The following CAMTA1 variants were observed in gnomAD, a reference collection of about 807,000 sequenced individuals.
CAMTA1 encodes the protein calmodulin-binding transcription activator 1.
CAMTA1 carries 27 observed loss-of-function variants against 170.9 expected under a neutral mutation model. The ratio of observed to expected loss-of-function variants is 0.16; its 90% CI spans 0.12 to 0.22. The LOEUF (loss-of-function observed/expected upper bound fraction) is 0.22, where lower values mean the gene tolerates loss of function less well. CAMTA1 is among the 10% of genes least tolerant of loss of function. The probability of loss-of-function intolerance (pLI) is 1.00; values close to 1 mark genes in which losing one functional copy is unlikely to be tolerated. For missense variants in CAMTA1, 1,619 were observed against 2,217.2 expected, an observed-to-expected ratio of 0.73 and a Z score of 5.42; for synonymous variants, 833 against 891.5, an observed-to-expected ratio of 0.93 and a Z score of 1.17.
At chr1:7,194,980 G>C (rs1000504402) in intron 4 of CAMTA1, among the ~76,000 whole-genome samples, 2 of 152,200 alleles carry the variant, frequency 1.3e-5, no homozygotes, top group South Asian at 4.1e-4. Flanking sequence ...TAAACAGTAC[G>C]TGGAGCATCT....
chr1:7,702,006 G>C (rs999284402), intron 11 of CAMTA1, among the ~76,000 whole-genome samples: 1 of 152,152 alleles, frequency 6.6e-6, no homozygotes, highest in East Asian at 1.9e-4. Flanking sequence ...TCCCACCCTA[G>C]CTCTGCCTGA....
intron 16 of CAMTA1, among the ~76,000 whole-genome samples, chr1:7,743,487 C>G (rs951394246): frequency 6.6e-6 from 1 of 152,106 alleles, no homozygotes; most frequent in African/African-American, 2.4e-5. Flanking sequence ...CAGTCCGTCT[C>G]TGCCCAGCCT....
intron 6 of CAMTA1, among the ~76,000 whole-genome samples, chr1:7,575,860 C>G (rs1396514089): frequency 6.6e-6 from 1 of 152,170 alleles, no homozygotes; most frequent in Non-Finnish European, 1.5e-5. Flanking sequence ...CACTGCCAGG[C>G]AAGGCCATTC....
At chr1:7,263,276 C>G (rs1668439920) in intron 5 of CAMTA1, among the ~76,000 whole-genome samples, 1 of 152,162 alleles carries the variant, frequency 6.6e-6, no homozygotes, top group Admixed American at 6.5e-5. Context: ...AATAAAGAAT[C>G]TGTTTTTTAT....
At chr1:7,398,193 C>CTATATATA (rs3034829) in intron 5 of CAMTA1, among the ~76,000 whole-genome samples, 35 of 16,886 alleles carry the variant, frequency 2.1e-3, no homozygotes, top group Admixed American at 3.5e-3. Context: ...CTCTCTCTCT[C>CTATATATA]TATATATATA....
At chr1:7,627,703 C>G (rs1249753430) in intron 6 of CAMTA1, among the ~76,000 whole-genome samples, 1 of 152,210 alleles carries the variant, frequency 6.6e-6, no homozygotes, top group Non-Finnish European at 1.5e-5. Context: ...TCAGATAGAC[C>G]TGGGCTTAAT....
intron 5 of CAMTA1, among the ~76,000 whole-genome samples, chr1:7,252,784 G>A (rs1199790255): frequency 1.3e-5 from 2 of 152,176 alleles, no homozygotes; most frequent in East Asian, 3.9e-4. Flanking sequence ...CAGTTCAGGG[G>A]CATGATAAAG....
intron 3 of CAMTA1, among the ~76,000 whole-genome samples, chr1:7,088,181 A>C (rs535649241): frequency 6.6e-6 from 1 of 152,192 alleles, no homozygotes; most frequent in Admixed American, 6.5e-5. Context: ...GGGCCTGTGC[A>C]TCAGCTTCCT....
chr1:6,788,796 G>A (rs1640176798), intron 1 of CAMTA1, among the ~76,000 whole-genome samples: 1 of 152,146 alleles, frequency 6.6e-6, no homozygotes, highest in African/African-American at 2.4e-5. Flanking sequence ...AGACACTTGA[G>A]GTTATTGTCT....
intron 6 of CAMTA1, among the ~76,000 whole-genome samples, chr1:7,621,129 C>T (rs1300745116): frequency 6.6e-6 from 1 of 152,192 alleles, no homozygotes; most frequent in African/African-American, 2.4e-5. Context: ...GCATTGCACC[C>T]TGATTAGGGG....
rs546262913 is a variant in CAMTA1, at chr1:6,873,772, A to T, written c.234+48562A>T. Among the ~76,000 whole-genome samples, 11 of 152,320 alleles carry T rather than the reference A, an allele frequency of 7.2e-5. No individual in the cohort carries two copies. In the South Asian group the frequency reaches 2.1e-3, roughly 29 times the overall value. On this transcript the variant is annotated intron_variant, in intron 3 of 22. Coordinates refer to ENST00000303635, the MANE Select transcript of CAMTA1 (RefSeq NM_015215.4). ...TGGACACATTTATGGCTTATTTCCA[A>T]TGAGCCTTGTTTATTTGGTTAGCAT... is the stretch of plus-strand genomic sequence containing the variant.
intron 5 of CAMTA1, among the ~76,000 whole-genome samples, chr1:7,360,433 G>T (rs1260421620): frequency 6.6e-6 from 1 of 152,144 alleles, no homozygotes; most frequent in Non-Finnish European, 1.5e-5. Flanking sequence ...TGTGAATCAG[G>T]CTCAAATCTC....
At chr1:7,309,656 A>G (rs1021517811) in intron 5 of CAMTA1, among the ~76,000 whole-genome samples, 1 of 151,828 alleles carries the variant, frequency 6.6e-6, no homozygotes, top group Non-Finnish European at 1.5e-5. Context: ...GCCGCCTTTT[A>G]TGTTATTTGA....
intron 7 of CAMTA1, among the ~76,000 whole-genome samples, chr1:7,651,386 C>T (rs994281966): frequency 4.6e-5 from 7 of 152,220 alleles, no homozygotes; most frequent in Non-Finnish European, 1.0e-4. Flanking sequence ...GCAGGTGCCG[C>T]CTGTACAGTT....
chr1:7,021,442 A>AT (rs995801751), intron 3 of CAMTA1, among the ~76,000 whole-genome samples: 2 of 151,966 alleles, frequency 1.3e-5, no homozygotes, highest in African/African-American at 4.8e-5. Flanking sequence ...TCTTTTTCTG[A>AT]TTTTCCCTCT....
intron 5 of CAMTA1, among the ~76,000 whole-genome samples, chr1:7,315,847 C>G (rs532039994): frequency 6.6e-6 from 1 of 152,192 alleles, no homozygotes; most frequent in South Asian, 2.1e-4. Flanking sequence ...TTTCTGCCTT[C>G]ATGCCATCTC....
chr1:7,481,962 C>T (rs1164448827), intron 6 of CAMTA1, among the ~76,000 whole-genome samples: 1 of 152,106 alleles, frequency 6.6e-6, no homozygotes, highest in African/African-American at 2.4e-5. Flanking sequence ...AGAAAGTACC[C>T]ATGTGTCCCT....
intron 4 of CAMTA1, among the ~76,000 whole-genome samples, chr1:7,171,159 C>T (rs1649516942): frequency 6.6e-6 from 1 of 152,138 alleles, no homozygotes; most frequent in South Asian, 2.1e-4. Flanking sequence ...ACCTGTTCTC[C>T]TGGAACGTGA....
At chr1:7,282,311 C>T (rs1203648369) in intron 5 of CAMTA1, among the ~76,000 whole-genome samples, 2 of 152,026 alleles carry the variant, frequency 1.3e-5, no homozygotes, top group Non-Finnish European at 2.9e-5. Context: ...TTCCATGCAC[C>T]CCATCTGCTC....
Sources: allele counts gnomAD v4.1 joint callset (sites outside exome capture counted in the v4.1 genomes callset), GRCh38; gene constraint gnomAD v4.1.1; transcripts MANE v1.5; gene names NCBI Gene and HGNC (gene_info 2026-07-23, HGNC 2026-07-21).